Variants in SNX24 observed in about 807,000 individuals in gnomAD.
The protein encoded by SNX24 is sorting nexin-24.
A neutral mutation model predicts 28.7 loss-of-function variants in SNX24; 22 were observed. That is an observed-to-expected ratio of 0.77 (90% CI 0.55 to 1.10). The LOEUF (loss-of-function observed/expected upper bound fraction) is 1.10. Among genes scored for constraint, SNX24 ranks in the 50% least tolerant of loss-of-function variants. The pLI is 0.00. For synonymous variants in SNX24, 69 were observed against 71.5 expected (o/e 0.96, Z 0.18); for missense variants, 221 against 201.1 (o/e 1.10, Z -0.60).
chr5:122,986,848 G>A (rs1761624258), intron 3 of SNX24, among the ~76,000 whole-genome samples: 1 of 137,606 alleles, frequency 7.3e-6, no homozygotes, highest in South Asian at 2.8e-4. Flanking sequence ...TGCATGGGTG[G>A]GTGGGTGGGT....
intron 2 of SNX24, among the ~76,000 whole-genome samples, chr5:122,944,236 T>C (rs756732005): frequency 5.3e-5 from 8 of 152,150 alleles, no homozygotes; most frequent in Admixed American, 1.3e-4. Flanking sequence ...ACAACATAGC[T>C]CCTATTCTTC....
intron 3 of SNX24, among the ~76,000 whole-genome samples, chr5:122,998,003 G>A (rs540013444): frequency 3.1e-4 from 47 of 152,160 alleles, no homozygotes; most frequent in African/African-American, 1.1e-3. Context: ...GTGTGATGAC[G>A]CCTAGAACTT....
At chr5:123,023,720 G>A (rs370088217) in intron 5 of SNX24, 38 of 1,191,478 alleles carry the variant, frequency 3.2e-5, no homozygotes, top group Admixed American at 1.1e-4. Flanking sequence ...AAAGGGTGAC[G>A]GTTTGATTTT....
chr5:122,892,777 A>T (rs971282922), intron 1 of SNX24, among the ~76,000 whole-genome samples: 13 of 149,818 alleles, frequency 8.7e-5, no homozygotes, highest in African/African-American at 3.2e-4. Context: ...ATTAATTTTT[A>T]TTTTTTTCTG....
chr5:122,870,152 G>A (rs2150050805), intron 1 of SNX24, among the ~76,000 whole-genome samples: 1 of 152,304 alleles, frequency 6.6e-6, no homozygotes, highest in African/African-American at 2.4e-5. Flanking sequence ...CCTCATGTGA[G>A]AATTTTCATA....
intron 1 of SNX24, among the ~76,000 whole-genome samples, chr5:122,858,150 T>A (rs1561512935): frequency 6.6e-6 from 1 of 152,242 alleles, no homozygotes; most frequent in Non-Finnish European, 1.5e-5. Context: ...TTATTGAGTT[T>A]GCCATCTTTT....
At position 122,946,060 on chromosome 5, in the gene SNX24, G is replaced by A; in HGVS notation, c.150G>A (p.Lys50=). 1 of 1,544,774 alleles carries A rather than the reference G, an allele frequency of 6.5e-7. No individual in the cohort carries two copies. The highest frequency in any genetic ancestry group is 8.9e-7 in the Non-Finnish European group (1 of 1,129,774). Residue 50 remains lysine (K), a synonymous_variant, in exon 3 of 7, where the codon AAG becomes AAA. Coordinates refer to ENST00000261369, the MANE Select transcript of SNX24 (RefSeq NM_014035.4). The part of the protein sequence containing the change: ...SEFHALHKKL[K]KCIKTPEIPS... ...TTCCTATTCTGTCTTTATAGCTTAA[G>A]AAATGTATAAAAACTCCAGAAATCC...
At chr5:123,013,040 G>T (rs1281203878), downstream of SNX24, among the ~76,000 whole-genome samples, 1 of 152,166 alleles carries the variant, frequency 6.6e-6, no homozygotes, top group African/African-American at 2.4e-5. Flanking sequence ...TCAGAATCCA[G>T]TACCAAGAGA....
In SNX24 at chr5:122,932,292, G is replaced by A. The variant is rs76456896; in HGVS notation, c.61-4442G>A. Among the ~76,000 whole-genome samples the A allele has an allele frequency of 3.5e-3, 538 of 152,180 alleles. 4 individuals are homozygous for A. Among genetic ancestry groups the A allele is most frequent in the African/African-American group, 0.011 (463 of 41,534 alleles). Reference sequence around the variant, plus strand: ...GCAGCTTCCCTTACTTTATACAGAGGGGATTTCTGGAAAACTCTGAGGAAA... The same window carrying A: ...GCAGCTTCCCTTACTTTATACAGAGAGGATTTCTGGAAAACTCTGAGGAAA... On this transcript the variant is annotated intron_variant, in intron 1 of 6. Coordinates refer to ENST00000261369, the MANE Select transcript of SNX24 (RefSeq NM_014035.4).
At chr5:122,968,713 A>G (rs1412754564) in intron 3 of SNX24, among the ~76,000 whole-genome samples, 1 of 152,182 alleles carries the variant, frequency 6.6e-6, no homozygotes, top group African/African-American at 2.4e-5. Flanking sequence ...CTGTGTTGCA[A>G]CCTAATAGAG....
chr5:122,939,050 G>T (rs1759323109), intron 2 of SNX24, among the ~76,000 whole-genome samples: 1 of 151,424 alleles, frequency 6.6e-6, no homozygotes, highest in Admixed American at 6.6e-5. Flanking sequence ...TGTGTGCTAA[G>T]AAGGGTTGAA....
At chr5:122,940,089 G>C (rs886746739) in intron 2 of SNX24, among the ~76,000 whole-genome samples, 12 of 151,826 alleles carry the variant, frequency 7.9e-5, no homozygotes, top group African/African-American at 2.7e-4. Context: ...CACCTCCCAG[G>C]TTCAAGCAAT....
chr5:122,878,056 G>A (rs148178445), intron 1 of SNX24, among the ~76,000 whole-genome samples: 1 of 152,268 alleles, frequency 6.6e-6, no homozygotes, highest in East Asian at 1.9e-4. Context: ...AGGGAATGAT[G>A]GCTGACCTGG....
intron 1 of SNX24, among the ~76,000 whole-genome samples, chr5:122,867,753 C>T (rs1034776568): frequency 5.3e-5 from 8 of 152,174 alleles, no homozygotes; most frequent in East Asian, 1.9e-4. Context: ...CTTTGGTGGG[C>T]ATTCACATGA....
At chr5:123,028,669 A>G (rs1282934298) in intron 5 of SNX24, 1 of 872,198 alleles carries the variant, frequency 1.1e-6, no homozygotes, top group Non-Finnish European at 1.8e-6. Flanking sequence ...AGTCGTCTTT[A>G]CAACTGTGTT....
At chr5:122,909,304 A>T (rs1461240302) in intron 1 of SNX24, among the ~76,000 whole-genome samples, 1 of 152,224 alleles carries the variant, frequency 6.6e-6, no homozygotes, top group Non-Finnish European at 1.5e-5. Flanking sequence ...CCTATTGCTT[A>T]ATCTGTGCCA....
At position 122,845,646 on chromosome 5, in the gene SNX24, A is replaced by G. The variant is rs372888258; in HGVS notation, c.13A>G (p.Ile5Val). The change falls in exon 1 of 7, where the codon ATC becomes GTC. Residue 5 changes from isoleucine (I) to valine (V), a missense_variant. Transcript: ENST00000261369. MEVYIPSFRYEESDL... is the reference protein window; with the variant it reads MEVYVPSFRYEESDL... ...GGCCGGCGCGGCCATGGAGGTCTAC[A>G]TCCCGTCCTTTCGCTATGAAGAGAG... 3 of 1,432,848 alleles carry G rather than the reference A, an allele frequency of 2.1e-6. No homozygotes were observed. Among genetic ancestry groups the G allele is most frequent in the Non-Finnish European group, 2.8e-6 (3 of 1,084,142 alleles). The allele number at this position is 1,432,848 out of a possible 1,614,324, so 88.8% of individuals were successfully genotyped here.
At chr5:122,853,115 C>CTTTTTT (rs10530519) in intron 1 of SNX24, among the ~76,000 whole-genome samples, 4 of 71,612 alleles carry the variant, frequency 5.6e-5, no homozygotes, top group Non-Finnish European at 7.4e-5. Flanking sequence ...GTTCTTTAGC[C>CTTTTTT]TTTTTTTTTT....
At chr5:122,907,308 TAA>T (rs888097288) in intron 1 of SNX24, among the ~76,000 whole-genome samples, 1 of 152,036 alleles carries the variant, frequency 6.6e-6, no homozygotes, top group Non-Finnish European at 1.5e-5. Context: ...AAAAGTCTAT[TAA>T]AAAAAATCAA....
Sources: gnomAD v4.1 joint callset for allele counts (sites outside exome capture counted in the v4.1 genomes callset) on GRCh38, gnomAD v4.1.1 for gene constraint, MANE v1.5 for transcripts, NCBI Gene and HGNC (gene_info 2026-07-23, HGNC 2026-07-21) for gene names.